AKT3: variants seen among roughly 807,000 people sequenced by gnomAD.
AKT3 encodes AKT serine/threonine kinase 3, also known as RAC-gamma serine/threonine-protein kinase.
A neutral mutation model predicts 65.3 loss-of-function variants in AKT3; 15 were observed. The observed-to-expected ratio is 0.23, with a 90% CI of 0.15 to 0.35. The LOEUF (loss-of-function observed/expected upper bound fraction) is 0.35. AKT3 is among the 10% of genes least tolerant of loss of function. The probability of loss-of-function intolerance (pLI) is 1.00; values close to 1 mark genes in which losing one functional copy is unlikely to be tolerated. For synonymous variants in AKT3, 206 were observed against 183.8 expected, an observed-to-expected ratio of 1.12 and a Z score of -0.98; for missense variants, 243 against 576.5, an observed-to-expected ratio of 0.42 and a Z score of 5.92.
chr1:243,777,448 T>C (rs1408556813), intron 2 of AKT3, among the ~76,000 whole-genome samples: 1 of 152,134 alleles, frequency 6.6e-6, no homozygotes, highest in East Asian at 1.9e-4. Context: ...AGGTAGGGTA[T>C]GAGAAAAATT....
intron 4 of AKT3, among the ~76,000 whole-genome samples, chr1:243,654,612 C>A (rs1371641698): frequency 6.6e-6 from 1 of 152,142 alleles, no homozygotes; most frequent in African/African-American, 2.4e-5. Context: ...AGACACAATG[C>A]CCAGCCTCTT....
intron 8 of AKT3, 108 bp from the exon 9 acceptor site, chr1:243,573,156 G>A (rs989845761): frequency 7.6e-7 from 1 of 1,308,902 alleles, no homozygotes. Flanking sequence ...GATAGATAGT[G>A]TACTCTCAGT....
At chr1:243,823,110 C>CA (rs1169679781) in intron 2 of AKT3, among the ~76,000 whole-genome samples, 1 of 152,168 alleles carries the variant, frequency 6.6e-6, no homozygotes, top group Non-Finnish European at 1.5e-5. Context: ...TCCCAGGATG[C>CA]AATGCTGGTT....
At chr1:243,559,437 C>G (rs1673621333) in intron 10 of AKT3, among the ~76,000 whole-genome samples, 1 of 152,080 alleles carries the variant, frequency 6.6e-6, no homozygotes, top group Admixed American at 6.6e-5. Context: ...GAACAAATAC[C>G]TTAAAAATAT....
At chr1:243,529,131 C>T (rs1671345641) in intron 12 of AKT3, among the ~76,000 whole-genome samples, 1 of 146,698 alleles carries the variant, frequency 6.8e-6, no homozygotes, top group Non-Finnish European at 1.5e-5. Flanking sequence ...ATGTCCCTTG[C>T]CCACTTTGTA....
intron 13 of AKT3, among the ~76,000 whole-genome samples, chr1:243,508,343 C>T (rs1354501802): frequency 6.6e-6 from 1 of 152,232 alleles, no homozygotes; most frequent in Non-Finnish European, 1.5e-5. Flanking sequence ...CCCCATGGCC[C>T]CCAGTGCTGA....
At chr1:243,712,243 G>C (rs1686209224) in intron 2 of AKT3, among the ~76,000 whole-genome samples, 1 of 152,186 alleles carries the variant, frequency 6.6e-6, no homozygotes, top group Non-Finnish European at 1.5e-5. Context: ...GGTGGCTGAT[G>C]ATTTTCTATG....
intron 8 of AKT3, among the ~76,000 whole-genome samples, chr1:243,577,432 CCA>C (rs1157329268): frequency 6.6e-6 from 1 of 152,126 alleles, no homozygotes; most frequent in Non-Finnish European, 1.5e-5. Flanking sequence ...CAGGCATGAG[CCA>C]CTGCATCTGG....
intron 2 of AKT3, among the ~76,000 whole-genome samples, chr1:243,739,024 T>C (rs191270982): frequency 3.0e-3 from 453 of 152,290 alleles, no homozygotes; most frequent in Non-Finnish European, 4.3e-3. Context: ...CTATGTTTTA[T>C]TTCCTAGATC....
intron 13 of AKT3, among the ~76,000 whole-genome samples, chr1:243,491,636 A>G (rs549394634): frequency 6.6e-6 from 1 of 152,298 alleles, no homozygotes; most frequent in African/African-American, 2.4e-5. Flanking sequence ...AGCCTCTGCG[A>G]TGCCTTCTTG....
At chr1:243,772,260 G>A (rs1463637205) in intron 2 of AKT3, among the ~76,000 whole-genome samples, 14 of 151,948 alleles carry the variant, frequency 9.2e-5, no homozygotes, top group Non-Finnish European at 1.9e-4. Flanking sequence ...GCAACCTACA[G>A]AATGGGAGAA....
At chr1:243,812,761 G>A (rs1693247317) in intron 2 of AKT3, among the ~76,000 whole-genome samples, 1 of 151,954 alleles carries the variant, frequency 6.6e-6, no homozygotes, top group Non-Finnish European at 1.5e-5. Context: ...CAAAGACCTG[G>A]AACCAACCCA....
downstream of AKT3, among the ~76,000 whole-genome samples, chr1:243,496,928 C>T (rs964103838): frequency 1.3e-5 from 2 of 152,222 alleles, no homozygotes; most frequent in African/African-American, 4.8e-5. Context: ...GACAGCACGG[C>T]AGGGGAGCAG....
At chr1:243,621,123 A>C (rs574752779) in intron 6 of AKT3, among the ~76,000 whole-genome samples, 8 of 152,230 alleles carry the variant, frequency 5.3e-5, no homozygotes, top group South Asian at 2.1e-4. Context: ...CCTGGTAGGT[A>C]TACTTAAATG....
intron 2 of AKT3, among the ~76,000 whole-genome samples, chr1:243,752,011 G>C (rs112371389): frequency 6.6e-6 from 1 of 152,076 alleles, no homozygotes; most frequent in African/African-American, 2.4e-5. Flanking sequence ...TACTCTGATT[G>C]GCTAGCCAAT....
chr1:243,844,615 C>A (rs1695431143), intron 1 of AKT3, among the ~76,000 whole-genome samples: 1 of 152,178 alleles, frequency 6.6e-6, no homozygotes, highest in Non-Finnish European at 1.5e-5. Context: ...AGCTGGACTA[C>A]AGGCAGGCAT....
chr1:243,716,971 A>C (rs914066746), intron 2 of AKT3, among the ~76,000 whole-genome samples: 6 of 152,142 alleles, frequency 3.9e-5, no homozygotes, highest in African/African-American at 1.4e-4. Context: ...TGATTAAATC[A>C]CTTTCTTTTA....
intron 12 of AKT3, among the ~76,000 whole-genome samples, 172 bp from the exon 13 acceptor site, chr1:243,512,598 A>G (rs1202137733): frequency 1.3e-5 from 2 of 152,186 alleles, no homozygotes; most frequent in East Asian, 1.9e-4. Context: ...GTCTAAACCA[A>G]CCGGTGGGTA....
At chr1:243,663,237 C>T (rs1345616000) in intron 4 of AKT3, among the ~76,000 whole-genome samples, 1 of 152,188 alleles carries the variant, frequency 6.6e-6, no homozygotes, top group Non-Finnish European at 1.5e-5. Context: ...AGAAAAATAT[C>T]TAAGTACCTA....
Sources: allele counts gnomAD v4.1 joint callset (sites outside exome capture counted in the v4.1 genomes callset), GRCh38; gene constraint gnomAD v4.1.1; transcripts MANE v1.5; gene names NCBI Gene and HGNC (gene_info 2026-07-23, HGNC 2026-07-21).